DACH2: variants seen among roughly 807,000 people sequenced by gnomAD.
DACH2 encodes dachshund family transcription factor 2.
Under a neutral mutation model 35.8 loss-of-function variants are expected in DACH2, and 17 were observed. The observed-to-expected ratio is 0.48, with a 90% CI of 0.33 to 0.71. The LOEUF is 0.71. DACH2 is among the 30% of genes least tolerant of loss of function. The pLI, the probability that DACH2 is intolerant of heterozygous loss-of-function variation, is 0.02. For missense variants in DACH2, 469 were observed against 472.7 expected, an observed-to-expected ratio of 0.99 and a Z score of 0.07; for synonymous variants, 195 against 177.3, an observed-to-expected ratio of 1.10 and a Z score of -0.79.
intron 1 of DACH2, among the ~76,000 whole-genome samples, chrX:86,292,456 G>A (rs1342493529): frequency 1.9e-5 from 2 of 107,282 alleles, no homozygotes; most frequent in Non-Finnish European, 3.8e-5. Flanking sequence ...GTTATTTCTT[G>A]CCTTCTGCTA....
chrX:86,474,174 T>C (rs892148191), intron 2 of DACH2, among the ~76,000 whole-genome samples: 5 of 112,107 alleles, frequency 4.5e-5, no homozygotes, highest in Non-Finnish European at 9.4e-5. Context: ...TTTTGAGAAA[T>C]GTCTATGCAA....
At chrX:86,632,810 C>A (rs911339147) in intron 3 of DACH2, among the ~76,000 whole-genome samples, 1 of 110,431 alleles carries the variant, frequency 9.1e-6, no homozygotes, top group Admixed American at 9.7e-5. Flanking sequence ...TATACATATA[C>A]CTGGAAATTA....
chrX:86,565,187 C>A (rs773330154), intron 3 of DACH2, among the ~76,000 whole-genome samples: 1 of 111,790 alleles, frequency 8.9e-6, no homozygotes, highest in South Asian at 3.7e-4. Flanking sequence ...GCCTGCAGTA[C>A]CCTTTCCTTG....
intron 1 of DACH2, among the ~76,000 whole-genome samples, 163 bp from the exon 2 acceptor site, chrX:86,376,661 C>T (rs2035972277): frequency 9.0e-6 from 1 of 110,803 alleles, no homozygotes; most frequent in South Asian, 3.7e-4. Flanking sequence ...ATGTGCTCTT[C>T]CCTGCTGGTG....
At chrX:86,510,141 T>G (rs2038377211) in intron 2 of DACH2, among the ~76,000 whole-genome samples, 1 of 112,266 alleles carries the variant, frequency 8.9e-6, no homozygotes, top group Non-Finnish European at 1.9e-5. Context: ...CTTTAAAGCT[T>G]ATGACATCAT....
intron 2 of DACH2, among the ~76,000 whole-genome samples, chrX:86,462,565 T>C (rs1159740360): frequency 1.8e-5 from 2 of 111,372 alleles, no homozygotes; most frequent in Admixed American, 9.6e-5. Flanking sequence ...CCACAATTAC[T>C]GTGGAGAATT....
intron 1 of DACH2, among the ~76,000 whole-genome samples, chrX:86,315,453 A>G (rs938553161): frequency 8.9e-6 from 1 of 111,930 alleles, no homozygotes; most frequent in African/African-American, 3.2e-5. Flanking sequence ...TGGATCAAGG[A>G]GCAATTTCGA....
intron 4 of DACH2, among the ~76,000 whole-genome samples, chrX:86,666,293 A>ATGTGTG (rs143997734): frequency 3.4e-5 from 3 of 89,522 alleles, no homozygotes; most frequent in Admixed American, 2.5e-4. Context: ...TTGGAGTGGG[A>ATGTGTG]TGTGTGTGTG....
chrX:86,696,942 C>T (rs1470700918), intron 5 of DACH2, among the ~76,000 whole-genome samples: 1 of 111,898 alleles, frequency 8.9e-6, no homozygotes, highest in Non-Finnish European at 1.9e-5. Flanking sequence ...TCAAAGAAAA[C>T]TGTTTTACCA....
chrX:86,742,013 C>A (rs1193736110), intron 7 of DACH2, among the ~76,000 whole-genome samples: 2 of 110,245 alleles, frequency 1.8e-5, no homozygotes, highest in African/African-American at 6.6e-5. Context: ...ATAGATATAT[C>A]ATAAAAGAAT....
At chrX:86,712,119 G>T (rs2041286056) in intron 5 of DACH2, among the ~76,000 whole-genome samples, 1 of 111,500 alleles carries the variant, frequency 9.0e-6, no homozygotes, top group Non-Finnish European at 1.9e-5. Context: ...AAGAAGGACT[G>T]AAGTGTATAA....
chrX:86,639,023 G>A (rs950959477), intron 3 of DACH2, among the ~76,000 whole-genome samples: 3 of 112,272 alleles, frequency 2.7e-5, no homozygotes, highest in Non-Finnish European at 5.6e-5. Context: ...GTCCATCAAT[G>A]AATGAGTGGA....
At chrX:86,734,408 T>C (rs2041573367) in intron 6 of DACH2, among the ~76,000 whole-genome samples, 2 of 111,310 alleles carry the variant, frequency 1.8e-5, no homozygotes, top group Admixed American at 1.9e-4. Context: ...GTGGTGAGTT[T>C]CTTAACCATT....
chrX:86,172,681 T>C (rs1477417018), intron 1 of DACH2, among the ~76,000 whole-genome samples: 1 of 111,844 alleles, frequency 8.9e-6, no homozygotes, highest in Non-Finnish European at 1.9e-5. Flanking sequence ...TTTAATTAGG[T>C]GGTGGATTGT....
intron 1 of DACH2, among the ~76,000 whole-genome samples, chrX:86,290,630 T>C (rs2147997267): frequency 9.2e-6 from 1 of 108,572 alleles, no homozygotes; most frequent in East Asian, 2.9e-4. Context: ...CAGTTTCAGC[T>C]TTCTGCATAT....
At chrX:86,661,484 A>G (rs12857214) in intron 4 of DACH2, among the ~76,000 whole-genome samples, 170 of 112,657 alleles carry the variant, frequency 1.5e-3, no homozygotes, top group Admixed American at 3.4e-3. Context: ...AATGTTTTTA[A>G]GGTTCATCCA....
rs1021117803 is a variant in DACH2, at chrX:86,611,400, C to T, written c.641-39636C>T. 4.5e-5 allele frequency among the ~76,000 whole-genome samples: 5 copies of T among 110,348 alleles called. No individual in the cohort carries two copies. In the South Asian group the frequency reaches 1.2e-3, roughly 27 times the overall value. The stretch of plus-strand genomic sequence containing the variant: ...GGTTGGGAGAGAGGTGGCACAATCC[C>T]TCCCTTATCCACCTGGGCTGTTGTC... On this transcript the variant is annotated intron_variant, in intron 3 of 11. Coordinates refer to ENST00000373125, the MANE Select transcript of DACH2 (RefSeq NM_053281.3).
intron 4 of DACH2, among the ~76,000 whole-genome samples, chrX:86,667,549 A>AAAGAAAG (rs1569463667): frequency 2.2e-3 from 72 of 32,235 alleles, no homozygotes; most frequent in South Asian, 2.9e-3. Context: ...AAGAAAGAAG[A>AAAGAAAG]AAGAAAGAAA....
Position 86,610,373 on chromosome X carries a change from C to G in DACH2, c.641-40663C>G, listed in dbSNP as rs936944919. Among the ~76,000 whole-genome samples the G allele has an allele frequency of 4.6e-3, 299 of 64,392 alleles. 1 individual carries two copies. Among genetic ancestry groups the G allele is most frequent in the South Asian group, 1.0e-2 (10 of 1,001 alleles). The allele number at this position is 64,392 out of a possible 115,157, so 55.9% of individuals were successfully genotyped here. A position where few individuals can be genotyped will look rare whatever the true frequency, so the allele number is the denominator to read the frequency against. The stretch of plus-strand genomic sequence containing the variant: ...TTCCTTCCTTCCTTCCTCTTTCTTT[C>G]TTTCTTTCTTTCTTTCTTTCTTTCT... On this transcript the variant is annotated intron_variant, in intron 3 of 11. Coordinates refer to ENST00000373125, the MANE Select transcript of DACH2 (RefSeq NM_053281.3).
Sources: allele counts gnomAD v4.1 joint callset (sites outside exome capture counted in the v4.1 genomes callset), GRCh38; gene constraint gnomAD v4.1.1; transcripts MANE v1.5; gene names NCBI Gene and HGNC (gene_info 2026-07-23, HGNC 2026-07-21).